Variants in GABRA2 observed in about 807,000 individuals in gnomAD.
GABRA2 encodes the protein gamma-aminobutyric acid receptor subunit alpha-2.
GABRA2 carries 16 observed loss-of-function variants against 48.7 expected under a neutral mutation model. That is an observed-to-expected ratio of 0.33 (90% CI 0.22 to 0.50). GABRA2 has a LOEUF of 0.50. Ranked by LOEUF, GABRA2 falls within the 20% of genes least tolerant of loss-of-function variation. The probability of loss-of-function intolerance (pLI) is 0.98; values close to 1 mark genes in which losing one functional copy is unlikely to be tolerated. For missense variants in GABRA2, 275 were observed against 535.6 expected (o/e 0.51, Z 4.80); for synonymous variants, 185 against 184.5 (o/e 1.00, Z -0.02).
Position 46,259,252 on chromosome 4 carries a change from C to A in GABRA2, c.1059+2674G>T, listed in dbSNP as rs1175264997. 4.0e-5 allele frequency among the ~76,000 whole-genome samples: 6 copies of A among 151,632 alleles called. No individual in the cohort carries two copies. In the East Asian group the frequency reaches 1.2e-3, roughly 30 times the overall value. On this transcript the variant is annotated intron_variant, in intron 9 of 9. Coordinates refer to ENST00000381620, the MANE Select transcript of GABRA2 (RefSeq NM_000807.4). ...GATATGAAAAAGGGTTCCATAAGAG[C>A]CTGGGGTTGCATAAATAGACACCTT...
intron 8 of GABRA2, among the ~76,000 whole-genome samples, chr4:46,300,128 A>G (rs1725484269): frequency 6.6e-6 from 1 of 151,832 alleles, no homozygotes; most frequent in Non-Finnish European, 1.5e-5. Flanking sequence ...AATTTATTAT[A>G]TGCTCAGCTT....
At chr4:46,264,712 G>A (rs970002660) in intron 8 of GABRA2, among the ~76,000 whole-genome samples, 5 of 151,784 alleles carry the variant, frequency 3.3e-5, no homozygotes, top group African/African-American at 1.2e-4. Context: ...AGTGAGTCAG[G>A]AAATGTTTCC....
At position 46,289,558 on chromosome 4, in the gene GABRA2, G is replaced by T. The variant is rs1391854385; in HGVS notation, c.856+13902C>A. Among the ~76,000 whole-genome samples, 4 of 152,136 alleles carry T rather than the reference G, an allele frequency of 2.6e-5. No homozygotes were observed. The East Asian group carries it at 7.7e-4, about 29-fold the overall frequency. ...CACTGGGGCCTTTCCAAGGGTAGAGGGTGGGAGGAGGGAGAGGAACAGGAA... is the reference window on the plus strand; with the variant it reads ...CACTGGGGCCTTTCCAAGGGTAGAGTGTGGGAGGAGGGAGAGGAACAGGAA... On this transcript the variant is annotated intron_variant, in intron 8 of 9. Coordinates refer to ENST00000381620, the MANE Select transcript of GABRA2 (RefSeq NM_000807.4).
chr4:46,282,320 G>A (rs1452595978), intron 8 of GABRA2, among the ~76,000 whole-genome samples: 2 of 152,146 alleles, frequency 1.3e-5, no homozygotes, highest in Non-Finnish European at 2.9e-5. Context: ...TCAGGGAAGA[G>A]CATGTGTCCT....
At chr4:46,296,535 G>C (rs1724720343) in intron 8 of GABRA2, among the ~76,000 whole-genome samples, 1 of 151,780 alleles carries the variant, frequency 6.6e-6, no homozygotes, top group Non-Finnish European at 1.5e-5. Flanking sequence ...ATCCATTATG[G>C]TGTCTCTTAA....
intron 3 of GABRA2, among the ~76,000 whole-genome samples, chr4:46,345,994 T>C (rs2109878165): frequency 6.6e-6 from 1 of 152,046 alleles, no homozygotes; most frequent in Admixed American, 6.6e-5. Context: ...CTAATAATTT[T>C]GCTCATCTTG....
intron 3 of GABRA2, among the ~76,000 whole-genome samples, chr4:46,359,072 TTAAGTA>T (rs1560575809): frequency 6.6e-6 from 1 of 152,162 alleles, no homozygotes. Flanking sequence ...AAAACTTAGT[TTAAGTA>T]TAAGGTACAT....
intron 8 of GABRA2, among the ~76,000 whole-genome samples, chr4:46,295,157 G>C (rs188280025): frequency 6.6e-6 from 1 of 152,340 alleles, no homozygotes; most frequent in East Asian, 1.9e-4. Context: ...CAGCACTGCA[G>C]CCCAAGTTCT....
chr4:46,312,437 GT>G, intron 5 of GABRA2, 58 bp downstream of exon 5: 1 of 1,165,290 alleles, frequency 8.6e-7, no homozygotes, highest in African/African-American at 1.5e-5. Context: ...TTGGCTGGTT[GT>G]TTAATACATG....
At chr4:46,373,722 T>A (rs1443783688) in intron 3 of GABRA2, among the ~76,000 whole-genome samples, 1 of 152,166 alleles carries the variant, frequency 6.6e-6, no homozygotes, top group African/African-American at 2.4e-5. Flanking sequence ...CCCATTGTTG[T>A]ATGATATTTT....
intron 8 of GABRA2, among the ~76,000 whole-genome samples, chr4:46,294,497 A>G (rs1280492239): frequency 6.6e-6 from 1 of 152,170 alleles, no homozygotes; most frequent in Non-Finnish European, 1.5e-5. Flanking sequence ...CCATTTATTG[A>G]GTGACCTGAA....
intron 3 of GABRA2, among the ~76,000 whole-genome samples, chr4:46,362,409 A>G (rs1713353855): frequency 6.6e-6 from 1 of 151,456 alleles, no homozygotes; most frequent in Non-Finnish European, 1.5e-5. Flanking sequence ...CTGTAAGTCC[A>G]TTAAAGTCCA....
chr4:46,324,041 G>A (rs972628758), intron 4 of GABRA2, among the ~76,000 whole-genome samples: 6 of 151,600 alleles, frequency 4.0e-5, no homozygotes, highest in East Asian at 1.9e-4. Context: ...CCTCTGTCTC[G>A]CCTCCTCTCT....
chr4:46,284,382 T>G (rs1361686400), intron 8 of GABRA2, among the ~76,000 whole-genome samples: 1 of 152,202 alleles, frequency 6.6e-6, no homozygotes, highest in Non-Finnish European at 1.5e-5. Flanking sequence ...AAGTGCTTTC[T>G]TATATTGTCA....
intron 3 of GABRA2, among the ~76,000 whole-genome samples, chr4:46,381,878 G>A (rs1273264246): frequency 6.6e-6 from 1 of 152,126 alleles, no homozygotes; most frequent in Non-Finnish European, 1.5e-5. Flanking sequence ...GGCTGGTGTA[G>A]TAATTAAATA....
At chr4:46,316,822 C>T (rs1239229470) in intron 4 of GABRA2, among the ~76,000 whole-genome samples, 8 of 151,970 alleles carry the variant, frequency 5.3e-5, no homozygotes, top group African/African-American at 1.9e-4. Flanking sequence ...GGTTGTCTGT[C>T]ATTTTCTCAC....
At chr4:46,350,898 T>C (rs906744560) in intron 3 of GABRA2, among the ~76,000 whole-genome samples, 3 of 151,528 alleles carry the variant, frequency 2.0e-5, no homozygotes, top group African/African-American at 4.8e-5. Context: ...TAATCAAAAG[T>C]GCAAAGGTGT....
intron 4 of GABRA2, among the ~76,000 whole-genome samples, chr4:46,314,306 A>T (rs175931): frequency 0.39 from 59,868 of 151,810 alleles, 12,236 homozygotes; most frequent in East Asian, 0.52. Flanking sequence ...TTTTTATAAA[A>T]CTTCAAATTC....
intron 8 of GABRA2, among the ~76,000 whole-genome samples, chr4:46,266,883 A>G (rs1000128358): frequency 6.6e-6 from 1 of 151,380 alleles, no homozygotes; most frequent in South Asian, 2.1e-4. Context: ...CACCACGTCC[A>G]GCTTATTTAT....
Sources: gnomAD v4.1 joint callset for allele counts (sites outside exome capture counted in the v4.1 genomes callset) on GRCh38, gnomAD v4.1.1 for gene constraint, MANE v1.5 for transcripts, NCBI Gene and HGNC (gene_info 2026-07-23, HGNC 2026-07-21) for gene names.